RAMP3: variants seen among roughly 807,000 people sequenced by gnomAD.
RAMP3 encodes receptor activity-modifying protein 3.
Under a neutral mutation model 13.5 loss-of-function variants are expected in RAMP3, and 14 were observed. That is an observed-to-expected ratio of 1.04 (90% CI 0.69 to 1.63). The LOEUF (loss-of-function observed/expected upper bound fraction) is 1.63, where lower values mean the gene tolerates loss of function less well. RAMP3 is among the 40% of genes most tolerant of loss of function. The probability of loss-of-function intolerance (pLI) is 0.00; values close to 1 mark genes in which losing one functional copy is unlikely to be tolerated. For synonymous variants in RAMP3, 106 were observed against 88.3 expected (o/e 1.20, Z -1.12); for missense variants, 200 against 204.8 (o/e 0.98, Z 0.14).
chr7:45,179,615 A>G (rs1040908956), intron 2 of RAMP3, among the ~76,000 whole-genome samples: 38 of 152,234 alleles, frequency 2.5e-4, no homozygotes, highest in African/African-American at 8.9e-4. Flanking sequence ...ATGTTGAGGA[A>G]ATCTCCCAGG....
intron 1 of RAMP3, among the ~76,000 whole-genome samples, chr7:45,174,041 A>G (rs1454188806): frequency 6.6e-5 from 10 of 151,686 alleles, no homozygotes; most frequent in African/African-American, 2.2e-4. Flanking sequence ...GGGAGTGGGC[A>G]CTCCCAGCTG....
chr7:45,177,612 C>A (rs113135500), intron 2 of RAMP3, among the ~76,000 whole-genome samples, 171 bp downstream of exon 2: 2 of 152,144 alleles, frequency 1.3e-5, no homozygotes, highest in South Asian at 4.1e-4. Flanking sequence ...ACACTTTGCC[C>A]AGGGCCCCAA....
At position 45,158,193 on chromosome 7, in the gene RAMP3, C is replaced by A. The variant is rs952334883; in HGVS notation, c.58+307C>A. ...TCCCCCCACGCCCCGGTTCTGGGGTCGCCTCAGGGTGGGCGAGAAGAGGTG... is the reference window on the plus strand; with the variant it reads ...TCCCCCCACGCCCCGGTTCTGGGGTAGCCTCAGGGTGGGCGAGAAGAGGTG... On this transcript the variant is annotated intron_variant, in intron 1 of 2. Transcript: ENST00000242249. Among the ~76,000 whole-genome samples the A allele has an allele frequency of 5.3e-5, 8 of 152,224 alleles. No individual in the cohort carries two copies. In the South Asian group the frequency reaches 1.0e-3, roughly 20 times the overall value.
At position 45,160,103 on chromosome 7, in the gene RAMP3, C is replaced by T. The variant is rs141281975; in HGVS notation, c.58+2217C>T. Among the ~76,000 whole-genome samples, 1,283 of 151,844 alleles carry T rather than the reference C, an allele frequency of 8.4e-3. 15 individuals carry two copies. The highest frequency in any genetic ancestry group is 0.029 in the African/African-American group (1,207 of 41,410). On this transcript the variant is annotated intron_variant, in intron 1 of 2. Transcript: ENST00000242249. ...ATCCCAGCACTTTGGGAGGCCAAGG[C>T]GGGCAGATCTCGAGGTCAGGAGATC...
At chr7:45,163,751 A>C (rs181675562) in intron 1 of RAMP3, 30 of 985,184 alleles carry the variant, frequency 3.0e-5, no homozygotes, top group Admixed American at 2.5e-4. Context: ...GTCACACAGC[A>C]AATCAGGAAC....
chr7:45,181,590 A>G (rs1479714471), intron 2 of RAMP3, among the ~76,000 whole-genome samples: 1 of 152,128 alleles, frequency 6.6e-6, no homozygotes, highest in African/African-American at 2.4e-5. Flanking sequence ...GATGCTGGGA[A>G]CTTCTGAAGG....
In RAMP3 at chr7:45,177,346, C is replaced by T; in HGVS notation, c.96C>T (p.Gly32=). 6.2e-7 allele frequency: 1 copy of T among 1,614,176 alleles called. No homozygotes were observed. The highest frequency in any genetic ancestry group is 1.7e-5 in the Admixed American group (1 of 60,032). ...CPRAGGCNET[G]MLERLPLCGK... ...GAGCAGGCGGCTGCAACGAGACAGGCATGTTGGAGAGGCTGCCCCTGTGTG... is the reference window on the plus strand; with the variant it reads ...GAGCAGGCGGCTGCAACGAGACAGGTATGTTGGAGAGGCTGCCCCTGTGTG... The change falls in exon 2 of 3, where the codon GGC becomes GGT. Residue 32 remains glycine, a synonymous_variant. Transcript: ENST00000242249.
intron 1 of RAMP3, among the ~76,000 whole-genome samples, chr7:45,159,489 T>C (rs1584061632): frequency 1.3e-5 from 2 of 152,244 alleles, no homozygotes; most frequent in Middle Eastern, 6.8e-3. Flanking sequence ...CCAGACCTTT[T>C]TCCAGAAAGC....
chr7:45,178,351 C>G (rs190166025), intron 2 of RAMP3, among the ~76,000 whole-genome samples: 2 of 152,230 alleles, frequency 1.3e-5, no homozygotes, highest in African/African-American at 4.8e-5. Flanking sequence ...CACTCCACCT[C>G]TGGCTTTGCA....
At chr7:45,177,752 T>C (rs1786223048) in intron 2 of RAMP3, among the ~76,000 whole-genome samples, 1 of 151,924 alleles carries the variant, frequency 6.6e-6, no homozygotes, top group Admixed American at 6.6e-5. Flanking sequence ...CCACAGCGGG[T>C]TCCCAGCTTC....
chr7:45,183,053 TG>T, intron 2 of RAMP3, 103 bp from the exon 3 acceptor site: 2 of 1,493,120 alleles, frequency 1.3e-6, no homozygotes, highest in Non-Finnish European at 1.8e-6. Flanking sequence ...GGTGGCCAAA[TG>T]GGACTGTACC....
intron 1 of RAMP3, among the ~76,000 whole-genome samples, chr7:45,172,988 G>A (rs1000180748): frequency 6.6e-6 from 1 of 152,190 alleles, no homozygotes; most frequent in Non-Finnish European, 1.5e-5. Context: ...CTACTTGGCC[G>A]AGGGTGAAGA....
intron 1 of RAMP3, among the ~76,000 whole-genome samples, chr7:45,171,425 G>A (rs1323465589): frequency 6.6e-6 from 1 of 152,144 alleles, no homozygotes; most frequent in Non-Finnish European, 1.5e-5. Flanking sequence ...GAAAGTTCTG[G>A]GATTACAGGC....
intron 2 of RAMP3, among the ~76,000 whole-genome samples, chr7:45,179,938 C>A (rs1480657524): frequency 6.6e-6 from 1 of 152,246 alleles, no homozygotes; most frequent in Non-Finnish European, 1.5e-5. Flanking sequence ...GGCTCCCCCA[C>A]CGCAGCCCTG....
intron 1 of RAMP3, chr7:45,163,533 G>T (rs1785902913): frequency 1.2e-5 from 12 of 985,296 alleles, no homozygotes; most frequent in Non-Finnish European, 1.4e-5. Context: ...CAGCCAGAGG[G>T]TCGTGGAGCA....
At chr7:45,163,054 TC>T (rs1035499400) in intron 1 of RAMP3, 28 of 605,108 alleles carry the variant, frequency 4.6e-5, no homozygotes, top group African/African-American at 4.4e-4. Context: ...CACATTGCTT[TC>T]CATCTCTCAG....
At chr7:45,168,472 G>A (rs11973383) in intron 1 of RAMP3, among the ~76,000 whole-genome samples, 38,987 of 146,030 alleles carry the variant, frequency 0.27, 6,190 homozygotes, top group African/African-American at 0.45. Flanking sequence ...TACAAGTTTT[G>A]TACTTTTTAA....
At chr7:45,182,497 G>C (rs1786336263) in intron 2 of RAMP3, among the ~76,000 whole-genome samples, 1 of 152,194 alleles carries the variant, frequency 6.6e-6, no homozygotes, top group Non-Finnish European at 1.5e-5. Context: ...GTGCTGGGCG[G>C]TCATGGAGCA....
intron 1 of RAMP3, among the ~76,000 whole-genome samples, chr7:45,174,020 C>T (rs1350843054): frequency 6.6e-6 from 1 of 152,020 alleles, no homozygotes; most frequent in Non-Finnish European, 1.5e-5. Flanking sequence ...TGGATTTCCT[C>T]CTAGGGAGAT....
Sources: allele counts gnomAD v4.1 joint callset (sites outside exome capture counted in the v4.1 genomes callset), GRCh38; gene constraint gnomAD v4.1.1; transcripts MANE v1.5; gene names NCBI Gene and HGNC (gene_info 2026-07-23, HGNC 2026-07-21).